The following AATF variants were observed in gnomAD, a reference collection of about 807,000 sequenced individuals.
AATF encodes apoptosis antagonizing transcription factor, also known as protein AATF.
Under a neutral mutation model 63.7 loss-of-function variants are expected in AATF, and 48 were observed. The observed-to-expected ratio is 0.75, with a 90% CI of 0.60 to 0.96. The LOEUF is 0.96. Among genes scored for constraint, AATF ranks in the 40% least tolerant of loss-of-function variants. The probability of loss-of-function intolerance (pLI) is 0.00; values close to 1 mark genes in which losing one functional copy is unlikely to be tolerated. For synonymous variants in AATF, 258 were observed against 247.7 expected (o/e 1.04, Z -0.39); for missense variants, 639 against 685.7 (o/e 0.93, Z 0.76).
chr17:37,009,855 G>A (rs2071376370), intron 8 of AATF, among the ~76,000 whole-genome samples: 1 of 125,640 alleles, frequency 8.0e-6, no homozygotes, highest in African/African-American at 3.1e-5. Flanking sequence ...AAAAAACCAT[G>A]CAGATTTGTT....
At chr17:36,979,724 G>A (rs1367582877) in intron 4 of AATF, among the ~76,000 whole-genome samples, 2 of 152,020 alleles carry the variant, frequency 1.3e-5, no homozygotes, top group East Asian at 1.9e-4. Flanking sequence ...TCCTGTTCTC[G>A]CTTCACGCCA....
intron 8 of AATF, among the ~76,000 whole-genome samples, chr17:37,016,803 A>G (rs1289204444): frequency 6.6e-6 from 1 of 152,102 alleles, no homozygotes; most frequent in Non-Finnish European, 1.5e-5. Context: ...AGTAATAGCC[A>G]CGGGAATCAT....
intron 4 of AATF, among the ~76,000 whole-genome samples, chr17:36,973,692 G>C (rs904026467): frequency 2.6e-5 from 4 of 152,160 alleles, no homozygotes; most frequent in African/African-American, 9.7e-5. Context: ...AGGCAGGTAA[G>C]ACCATTTTTT....
chr17:36,963,031 A>G (rs1179537881), intron 4 of AATF, among the ~76,000 whole-genome samples: 1 of 152,194 alleles, frequency 6.6e-6, no homozygotes, highest in Non-Finnish European at 1.5e-5. Flanking sequence ...AGGCAGGAGA[A>G]TCGCTTGAAC....
At chr17:37,048,616 C>T (rs2071717206) in intron 11 of AATF, among the ~76,000 whole-genome samples, 1 of 152,064 alleles carries the variant, frequency 6.6e-6, no homozygotes, top group Non-Finnish European at 1.5e-5. Flanking sequence ...GGTGATCCGC[C>T]CACCTTGGCC....
intron 4 of AATF, among the ~76,000 whole-genome samples, chr17:36,985,846 G>A (rs1382163395): frequency 6.6e-6 from 1 of 152,104 alleles, no homozygotes; most frequent in Admixed American, 6.6e-5. Context: ...ACAGCGCCCG[G>A]CCGACCAGTT....
At position 37,050,649 on chromosome 17, in the gene AATF, CCTGCTAGCCGTGAGTG is replaced by C. The variant is rs1339779103; in HGVS notation, c.1620-5945_1620-5930del. Among the ~76,000 whole-genome samples the C allele has an allele frequency of 2.0e-5, 3 of 152,326 alleles. No individual in the cohort carries two copies. In the East Asian group the frequency reaches 5.8e-4, roughly 29 times the overall value. On this transcript the variant is annotated intron_variant, in intron 11 of 11. Transcript: ENST00000619387. ...GTAGGGTTTCAGATCGGATCCAGAC[CCTGCTAGCCGTGAGTG>C]CTGCTATGATTGGAACCCTTTGTCC...
rs2071170606 is a variant in AATF, at chr17:36,986,624, G to A, written c.840G>A (p.Lys280=). 1 of 1,613,066 alleles carries A rather than the reference G, an allele frequency of 6.2e-7. No homozygotes were observed. The highest frequency in any genetic ancestry group is 8.5e-7 in the Non-Finnish European group (1 of 1,179,184). The part of the protein sequence containing the change: ...EFSSALKNSH[K]ALKALLRSLV... ...CTGTCCTTTATTTCCCAGGTCACAAGGCACTTAAAGCATTGTTGAGGTCAT... is the reference window on the plus strand; with the variant it reads ...CTGTCCTTTATTTCCCAGGTCACAAAGCACTTAAAGCATTGTTGAGGTCAT... The change falls in exon 5 of 12, where the codon AAG becomes AAA. Residue 280 remains lysine, a synonymous_variant. Coordinates refer to ENST00000619387, the MANE Select transcript of AATF (RefSeq NM_012138.4).
intron 8 of AATF, among the ~76,000 whole-genome samples, chr17:37,016,707 ATC>A (rs112910398): frequency 1.3e-5 from 2 of 151,996 alleles, no homozygotes; most frequent in African/African-American, 4.8e-5. Context: ...AATATCTCAA[ATC>A]TCTTTTTTTT....
chr17:36,988,649 A>G lies in AATF; in HGVS notation c.1078A>G (p.Thr360Ala). The change falls in exon 6 of 12, where the codon ACA becomes GCA. Residue 360 changes from threonine to alanine, a missense_variant. Coordinates refer to ENST00000619387, the MANE Select transcript of AATF (RefSeq NM_012138.4). ...SFMAKRFADF[T>A]VYRNRTLQKW... is the part of the protein sequence containing the mutation. Reference sequence around the variant, plus strand: ...CATGGCAAAGCGCTTTGCCGACTTTACAGTCTACAGGAACCGCACACTTCA... The same window carrying G: ...CATGGCAAAGCGCTTTGCCGACTTTGCAGTCTACAGGAACCGCACACTTCA... 1 of 1,614,196 alleles carries G rather than the reference A, an allele frequency of 6.2e-7. No individual in the cohort carries two copies. Among genetic ancestry groups the G allele is most frequent in the Non-Finnish European group, 8.5e-7 (1 of 1,180,036 alleles).
chr17:37,028,826 G>A (rs1397242479), intron 10 of AATF, among the ~76,000 whole-genome samples: 2 of 152,116 alleles, frequency 1.3e-5, no homozygotes, highest in Non-Finnish European at 2.9e-5. Flanking sequence ...TAGAAGCAAT[G>A]TATGTGTTCA....
intron 4 of AATF, among the ~76,000 whole-genome samples, chr17:36,956,267 G>T (rs2070898995): frequency 6.6e-6 from 1 of 152,182 alleles, no homozygotes; most frequent in Admixed American, 6.5e-5. Flanking sequence ...AAGGTGGGAG[G>T]GTAGGGAGTT....
At chr17:36,953,746 G>T (rs776764450) in intron 3 of AATF, 24 bp from the exon 4 acceptor site, 1 of 1,603,972 alleles carries the variant, frequency 6.2e-7, no homozygotes, top group African/African-American at 1.3e-5. Flanking sequence ...ATTGAGGAAT[G>T]GGATTCTCTT....
At chr17:37,027,406 A>G (rs1267263276) in intron 10 of AATF, among the ~76,000 whole-genome samples, 1 of 152,170 alleles carries the variant, frequency 6.6e-6, no homozygotes, top group Non-Finnish European at 1.5e-5. Flanking sequence ...CACCGAGACT[A>G]GATGCTAAGT....
chr17:36,952,520 C>T (rs1290232930), intron 2 of AATF, among the ~76,000 whole-genome samples: 1 of 152,202 alleles, frequency 6.6e-6, no homozygotes, highest in Admixed American at 6.5e-5. Context: ...CTTCAAGGGC[C>T]AGAGCAAATG....
chr17:36,976,023 G>T (rs1417236505), intron 4 of AATF, among the ~76,000 whole-genome samples: 1 of 152,074 alleles, frequency 6.6e-6, no homozygotes, highest in Admixed American at 6.6e-5. Flanking sequence ...TGTGATGTGG[G>T]CTTCCTTTAG....
chr17:37,016,032 C>T (rs776659173), intron 8 of AATF, among the ~76,000 whole-genome samples: 6 of 152,146 alleles, frequency 3.9e-5, no homozygotes, highest in Non-Finnish European at 7.3e-5. Context: ...TCCCACCTTG[C>T]GTGGTAACTG....
intron 7 of AATF, 147 bp downstream of exon 7, chr17:36,989,558 T>C: frequency 1.2e-6 from 1 of 807,498 alleles, no homozygotes; most frequent in East Asian, 2.9e-5. Context: ...TGAGAGAAAC[T>C]TGAGTGTATG....
chr17:37,003,507 C>T (rs898151060), intron 8 of AATF, among the ~76,000 whole-genome samples: 3 of 118,986 alleles, frequency 2.5e-5, no homozygotes, highest in Non-Finnish European at 4.8e-5. Flanking sequence ...GAGACAGGGT[C>T]TCATGTCACC....
Sources: allele counts gnomAD v4.1 joint callset (sites outside exome capture counted in the v4.1 genomes callset), GRCh38; gene constraint gnomAD v4.1.1; transcripts MANE v1.5; gene names NCBI Gene and HGNC (gene_info 2026-07-23, HGNC 2026-07-21).